RBMS3: variants seen among roughly 807,000 people sequenced by gnomAD.
RBMS3 encodes RNA binding motif single stranded interacting protein 3.
In RBMS3, 27 loss-of-function variants were observed where a neutral mutation model predicts 66.8. The ratio of observed to expected loss-of-function variants is 0.40; its 90% CI spans 0.30 to 0.56. The LOEUF (loss-of-function observed/expected upper bound fraction) is 0.56. Ranked by LOEUF, RBMS3 falls within the 20% of genes least tolerant of loss-of-function variation. RBMS3 has a pLI of 0.40. For missense variants in RBMS3, 513 were observed against 549.5 expected, an observed-to-expected ratio of 0.93 and a Z score of 0.66; for synonymous variants, 188 against 183.0, an observed-to-expected ratio of 1.03 and a Z score of -0.22.
chr3:29,392,956 T>C (rs2039374233), intron 1 of RBMS3, among the ~76,000 whole-genome samples: 1 of 152,182 alleles, frequency 6.6e-6, no homozygotes, highest in Non-Finnish European at 1.5e-5. Flanking sequence ...TTACAATTTT[T>C]CACCTAAATG....
chr3:29,408,067 T>A (rs977696993), intron 1 of RBMS3, among the ~76,000 whole-genome samples: 11 of 151,790 alleles, frequency 7.2e-5, no homozygotes, highest in Non-Finnish European at 1.6e-4. Flanking sequence ...GGTCAGGAGA[T>A]CGAGACCATC....
intron 14 of RBMS3, among the ~76,000 whole-genome samples, chr3:29,998,667 AG>A (rs548327079): frequency 6.6e-6 from 1 of 152,330 alleles, no homozygotes. Flanking sequence ...CAATGGGGAA[AG>A]GATTCCCTAT....
intron 3 of RBMS3, among the ~76,000 whole-genome samples, chr3:29,512,511 A>G (rs2044453586): frequency 6.6e-6 from 1 of 152,184 alleles, no homozygotes; most frequent in African/African-American, 2.4e-5. Context: ...AAACTTTAAG[A>G]TTTGATATCA....
intron 4 of RBMS3, among the ~76,000 whole-genome samples, chr3:29,632,740 T>G (rs2049329659): frequency 6.6e-6 from 1 of 151,898 alleles, no homozygotes; most frequent in South Asian, 2.1e-4. Context: ...GATTTATGAA[T>G]GTAGAAAACT....
At chr3:29,678,298 C>A (rs1179182518) in intron 4 of RBMS3, among the ~76,000 whole-genome samples, 1 of 151,932 alleles carries the variant, frequency 6.6e-6, no homozygotes, top group Non-Finnish European at 1.5e-5. Context: ...AAGTATTTAC[C>A]TTTGAAAATT....
intron 1 of RBMS3, among the ~76,000 whole-genome samples, chr3:29,330,768 G>T (rs2035608308): frequency 6.6e-6 from 1 of 152,150 alleles, no homozygotes; most frequent in Non-Finnish European, 1.5e-5. Flanking sequence ...TAAGCACACA[G>T]CACCAAATGA....
rs2031714784 is a variant in RBMS3, at chr3:29,281,097, C to T, written c.-585C>T. On this transcript the variant is annotated 5_prime_UTR_variant, in exon 1 of 15. Transcript: ENST00000383767. ...TGTCACTCTGGGAGGGAGACAGCAG[C>T]AACTAAGCTGTACAAGGTTTTTTTT... 1 of 138,994 alleles carries T rather than the reference C, an allele frequency of 7.2e-6. No individual in the cohort carries two copies. The highest frequency in any genetic ancestry group is 1.5e-5 in the Non-Finnish European group (1 of 65,114). The allele number at this position is 138,994 out of a possible 1,614,324, so 8.6% of individuals were successfully genotyped here.
chr3:29,574,382 T>G (rs1310297691), intron 3 of RBMS3, among the ~76,000 whole-genome samples: 1 of 152,160 alleles, frequency 6.6e-6, no homozygotes, highest in Non-Finnish European at 1.5e-5. Flanking sequence ...TAGATACACC[T>G]GCTGTTTTTT....
intron 12 of RBMS3, among the ~76,000 whole-genome samples, chr3:29,959,853 A>G (rs529135011): frequency 6.6e-6 from 1 of 152,196 alleles, no homozygotes; most frequent in African/African-American, 2.4e-5. Context: ...GCATAGAGGA[A>G]CTGCCCCATG....
intron 6 of RBMS3, among the ~76,000 whole-genome samples, chr3:29,794,576 A>G (rs563461887): frequency 3.3e-5 from 5 of 152,254 alleles, no homozygotes; most frequent in African/African-American, 9.6e-5. Flanking sequence ...ACAGAGCAAG[A>G]CTCCATCTCA....
intron 10 of RBMS3, among the ~76,000 whole-genome samples, chr3:29,909,572 A>G (rs1344517096): frequency 1.3e-5 from 2 of 152,060 alleles, no homozygotes; most frequent in African/African-American, 4.8e-5. Context: ...TGAGTCTAGA[A>G]TCTTTTGAAA....
intron 3 of RBMS3, among the ~76,000 whole-genome samples, chr3:29,516,291 G>A (rs1459309209): frequency 6.6e-6 from 1 of 152,150 alleles, no homozygotes; most frequent in African/African-American, 2.4e-5. Flanking sequence ...GACATCCGAT[G>A]AAAAATTTGG....
chr3:29,407,267 C>T (rs1299868396), intron 1 of RBMS3, among the ~76,000 whole-genome samples: 1 of 152,132 alleles, frequency 6.6e-6, no homozygotes, highest in African/African-American at 2.4e-5. Flanking sequence ...TTGATACTGG[C>T]CTTATTCTCA....
intron 10 of RBMS3, among the ~76,000 whole-genome samples, chr3:29,928,715 T>A (rs1339462574): frequency 6.6e-6 from 1 of 152,082 alleles, no homozygotes; most frequent in Non-Finnish European, 1.5e-5. Flanking sequence ...GAATAACTCC[T>A]ATGAATGAAC....
intron 1 of RBMS3, among the ~76,000 whole-genome samples, chr3:29,423,157 T>C (rs924189777): frequency 6.6e-6 from 1 of 152,128 alleles, no homozygotes; most frequent in African/African-American, 2.4e-5. Flanking sequence ...TCTTTTGGGA[T>C]GGCAGGTAAA....
intron 1 of RBMS3, among the ~76,000 whole-genome samples, chr3:29,400,367 T>C (rs914809508): frequency 6.6e-6 from 1 of 151,294 alleles, no homozygotes; most frequent in African/African-American, 2.4e-5. Context: ...ATGGCTAGAG[T>C]AGTCAAATTC....
intron 1 of RBMS3, among the ~76,000 whole-genome samples, chr3:29,354,873 A>G (rs12493514): frequency 0.08 from 12,166 of 152,090 alleles, 650 homozygotes; most frequent in Non-Finnish European, 0.12. Flanking sequence ...TCTGTGTCAG[A>G]CTGTGTTCTA....
At position 30,006,418 on chromosome 3, in the gene RBMS3, T is replaced by C. The variant is rs1210419209; in HGVS notation, c.*2556T>C. The C allele has an allele frequency of 6.6e-6, 1 of 151,860 alleles. No individual in the cohort carries two copies. The highest frequency in any genetic ancestry group is 1.5e-5 in the Non-Finnish European group (1 of 67,832). The allele number at this position is 151,860 out of a possible 1,614,324, so 9.4% of individuals were successfully genotyped here. ...GGAGACAAAAGTGTATCCAAGAAAATGTAGTGTGCGTTATAGAGAAATTCC... is the reference window on the plus strand; with the variant it reads ...GGAGACAAAAGTGTATCCAAGAAAACGTAGTGTGCGTTATAGAGAAATTCC... On this transcript the variant is annotated 3_prime_UTR_variant, in exon 15 of 15. Coordinates refer to ENST00000383767, the MANE Select transcript of RBMS3 (RefSeq NM_001003793.3).
At position 29,658,285 on chromosome 3, in the gene RBMS3, A is replaced by C. The variant is rs369345593; in HGVS notation, c.399+71080A>C. ...GAAGAAAACCATCTTCTTACAGAGC[A>C]AAAGAACTTAAAACAATGCTTCTCA... is the stretch of plus-strand genomic sequence containing the variant. On this transcript the variant is annotated intron_variant, in intron 4 of 14. Coordinates refer to ENST00000383767, the MANE Select transcript of RBMS3 (RefSeq NM_001003793.3). 9.8e-5 allele frequency among the ~76,000 whole-genome samples: 15 copies of C among 152,312 alleles called. No homozygotes were observed. In the East Asian group the frequency reaches 1.2e-3, roughly 12 times the overall value.
Sources: gnomAD v4.1 joint callset for allele counts (sites outside exome capture counted in the v4.1 genomes callset) on GRCh38, gnomAD v4.1.1 for gene constraint, MANE v1.5 for transcripts, NCBI Gene and HGNC (gene_info 2026-07-23, HGNC 2026-07-21) for gene names.